PHLPP2: variants seen among roughly 807,000 people sequenced by gnomAD.
PHLPP2 encodes the protein PH domain leucine-rich repeat-containing protein phosphatase 2.
A neutral mutation model predicts 124.9 loss-of-function variants in PHLPP2; 66 were observed. The ratio of observed to expected loss-of-function variants is 0.53; its 90% CI spans 0.43 to 0.65. The LOEUF (loss-of-function observed/expected upper bound fraction) is 0.65, where lower values mean the gene tolerates loss of function less well. Among genes scored for constraint, PHLPP2 ranks in the 30% least tolerant of loss-of-function variants. PHLPP2 has a pLI of 0.00. For missense variants in PHLPP2, 1,685 were observed against 1,600.4 expected (o/e 1.05, Z -0.90); for synonymous variants, 681 against 624.7 (o/e 1.09, Z -1.34).
chr16:71,695,680 AGCCTG>A (rs1452492035), intron 3 of PHLPP2, among the ~76,000 whole-genome samples: 1 of 151,422 alleles, frequency 6.6e-6, no homozygotes, highest in Non-Finnish European at 1.5e-5. Flanking sequence ...ACTGCACTCC[AGCCTG>A]GGAAACAAGA....
At chr16:71,722,910 C>A (rs1342945796) in intron 1 of PHLPP2, among the ~76,000 whole-genome samples, 1 of 152,232 alleles carries the variant, frequency 6.6e-6, no homozygotes, top group African/African-American at 2.4e-5. Flanking sequence ...CTATCGCCAC[C>A]CTACCTTGTG....
chr16:71,674,382 CTTT>C (rs371726738), intron 9 of PHLPP2, among the ~76,000 whole-genome samples: 2 of 141,318 alleles, frequency 1.4e-5, no homozygotes, highest in Non-Finnish European at 3.1e-5. Flanking sequence ...CAGGCCCAGA[CTTT>C]TTTTTTTTTT....
At chr16:71,693,791 C>T (rs2045139027) in intron 3 of PHLPP2, among the ~76,000 whole-genome samples, 1 of 152,216 alleles carries the variant, frequency 6.6e-6, no homozygotes, top group African/African-American at 2.4e-5. Flanking sequence ...AACTCAAATA[C>T]AACTTCTTCA....
intron 2 of PHLPP2, among the ~76,000 whole-genome samples, chr16:71,706,359 T>C (rs1258827681): frequency 1.3e-5 from 2 of 152,222 alleles, no homozygotes; most frequent in Non-Finnish European, 2.9e-5. Flanking sequence ...GCAGTCCCTA[T>C]AGTTAAGATA....
chr16:71,720,055 G>A (rs1249405025), intron 1 of PHLPP2, among the ~76,000 whole-genome samples: 1 of 139,794 alleles, frequency 7.2e-6, no homozygotes, highest in Non-Finnish European at 1.5e-5. Flanking sequence ...TGCAGGCTCC[G>A]CCCCCCGGGG....
chr16:71,709,725 C>A (rs1327185722), intron 2 of PHLPP2, among the ~76,000 whole-genome samples: 1 of 152,230 alleles, frequency 6.6e-6, no homozygotes, highest in African/African-American at 2.4e-5. Flanking sequence ...CCTGAACCCT[C>A]TGAGTCTGTT....
chr16:71,707,586 C>A (rs913470692), intron 2 of PHLPP2, among the ~76,000 whole-genome samples: 8 of 152,076 alleles, frequency 5.3e-5, no homozygotes, highest in African/African-American at 1.9e-4. Flanking sequence ...CATAATGATT[C>A]CCCAATAAAA....
At chr16:71,709,110 A>G (rs1250932982) in intron 2 of PHLPP2, among the ~76,000 whole-genome samples, 2 of 152,210 alleles carry the variant, frequency 1.3e-5, no homozygotes, top group African/African-American at 4.8e-5. Context: ...TTATTTACCT[A>G]TATTCCAATT....
intron 4 of PHLPP2, among the ~76,000 whole-genome samples, chr16:71,690,169 G>C (rs916963360): frequency 2.0e-5 from 3 of 151,900 alleles, no homozygotes; most frequent in Admixed American, 2.0e-4. Context: ...TAATTTAATT[G>C]GGGGGGAAAA....
At chr16:71,668,653 T>C (rs879843802) in intron 11 of PHLPP2, among the ~76,000 whole-genome samples, 1 of 151,780 alleles carries the variant, frequency 6.6e-6, no homozygotes, top group African/African-American at 2.4e-5. Context: ...TCCCAGCTAC[T>C]GAGGGGGAGC....
intron 13 of PHLPP2, among the ~76,000 whole-genome samples, chr16:71,662,506 G>A (rs2044800901): frequency 6.6e-6 from 1 of 151,990 alleles, no homozygotes; most frequent in Non-Finnish European, 1.5e-5. Flanking sequence ...GTTGAGGCAG[G>A]AGAATCACCT....
At chr16:71,708,350 T>C (rs1335067151) in intron 2 of PHLPP2, among the ~76,000 whole-genome samples, 2 of 152,098 alleles carry the variant, frequency 1.3e-5, no homozygotes, top group Non-Finnish European at 2.9e-5. Flanking sequence ...GGACAATGAG[T>C]CTCAGAAGCT....
At chr16:71,715,066 A>T (rs767102985) in intron 1 of PHLPP2, 3 of 455,708 alleles carry the variant, frequency 6.6e-6, no homozygotes, top group South Asian at 5.2e-5. Flanking sequence ...AAGAATAACG[A>T]AACAGCGGGT....
At chr16:71,703,033 G>A (rs2045246601) in intron 2 of PHLPP2, among the ~76,000 whole-genome samples, 1 of 152,130 alleles carries the variant, frequency 6.6e-6, no homozygotes, top group South Asian at 2.1e-4. Flanking sequence ...AGAACAGGTA[G>A]TATTTGACTT....
intron 8 of PHLPP2, 87 bp downstream of exon 8, chr16:71,678,668 A>G (rs546739786): frequency 3.9e-6 from 3 of 776,204 alleles, no homozygotes; most frequent in Non-Finnish European, 6.6e-6. Context: ...TAAAAACCCT[A>G]ATGTTTTAAA....
rs747381928 is a variant in PHLPP2 at position 71,714,773 on chromosome 16, T to C, written c.23A>G (p.Asn8Ser). Residue 8 changes from asparagine (N) to serine (S), a missense_variant, in exon 2 of 19, where the codon AAT becomes AGT. Physicochemically the swap from Asn to Ser is conservative, Grantham distance 46. Coordinates refer to ENST00000568954, the MANE Select transcript of PHLPP2 (RefSeq NM_015020.3). MKRNGSR[N>S]CLNRRSRFGS... is the part of the protein sequence containing the mutation. ...AAACCTACTTCTCCTATTCAAACAA[T>C]TTCTGCTCCCATTGCGTTTCATATT... The C allele has an allele frequency of 4.3e-6, 7 of 1,613,324 alleles. No individual in the cohort carries two copies. The highest frequency in any genetic ancestry group is 2.2e-5 in the East Asian group (1 of 44,896).
chr16:71,722,872 C>G (rs1317309021), intron 1 of PHLPP2, among the ~76,000 whole-genome samples: 2 of 152,156 alleles, frequency 1.3e-5, no homozygotes, highest in Non-Finnish European at 2.9e-5. Context: ...TCCCACAACC[C>G]CTCCCTTTAA....
chr16:71,693,725 C>A (rs894141297), intron 3 of PHLPP2, among the ~76,000 whole-genome samples: 1 of 152,190 alleles, frequency 6.6e-6, no homozygotes, highest in Non-Finnish European at 1.5e-5. Flanking sequence ...TAATCTCCCA[C>A]GGCTGCCTTC....
At chr16:71,723,830 T>C in intron 1 of PHLPP2, 1 of 1,246,710 alleles carries the variant, frequency 8.0e-7, no homozygotes, top group Non-Finnish European at 1.0e-6. Context: ...CTCCGGGGGC[T>C]CCAGCGGGCC....
Sources: gnomAD v4.1 joint callset for allele counts (sites outside exome capture counted in the v4.1 genomes callset) on GRCh38, gnomAD v4.1.1 for gene constraint, MANE v1.5 for transcripts, NCBI Gene and HGNC (gene_info 2026-07-23, HGNC 2026-07-21) for gene names.